SPTBN2: variants seen among roughly 807,000 people sequenced by gnomAD.
The protein encoded by SPTBN2 is spectrin beta chain, non-erythrocytic 2.
In SPTBN2, 107 loss-of-function variants were observed where a neutral mutation model predicts 284.2. The ratio of observed to expected loss-of-function variants is 0.38; its 90% CI spans 0.32 to 0.44. The LOEUF (loss-of-function observed/expected upper bound fraction) is 0.44. SPTBN2 is among the 20% of genes least tolerant of loss of function. The pLI is 1.00. For synonymous variants in SPTBN2, 1,289 were observed against 1,354.8 expected, an observed-to-expected ratio of 0.95 and a Z score of 1.07; for missense variants, 2,569 against 3,287.1, an observed-to-expected ratio of 0.78 and a Z score of 5.34.
Position 66,693,158 on chromosome 11 carries a change from A to T in SPTBN2, c.4854+28T>A. On this transcript the variant is annotated intron_variant, in intron 24 of 37. Transcript: ENST00000533211. The surrounding 1 kb of genome is among the most constrained non-coding windows in gnomAD (Gnocchi z 5.7). The stretch of plus-strand genomic sequence containing the variant: ...GTCAGGGGAGGGCAGAACTGGTCAC[A>T]TACACTGGGCTCTGTCCTGGCCCTC... 1 of 1,614,188 alleles carries T rather than the reference A, an allele frequency of 6.2e-7. No homozygotes were observed. The highest frequency in any genetic ancestry group is 1.3e-5 in the African/African-American group (1 of 75,052).
chr11:66,707,661 G>C lies in SPTBN2; in HGVS notation c.1508C>G (p.Ala503Gly). Residue 503 changes from alanine (A) to glycine (G), a missense_variant, in exon 13 of 38, where the codon GCC becomes GGC. Physicochemically the swap from Ala to Gly is moderately conservative, Grantham distance 60. This residue lies in a region of SPTBN2 where 1,012 missense variants were observed against 1,248.9 expected (regional missense o/e 0.81). Transcript: ENST00000533211. This position sits in a 1 kb window ranked among gnomAD's most constrained non-coding sequence, Gnocchi z 4.9. ...CCGTGCCACGTTGTGCTGCCGAGCGGCGATGCGCTTGATGTCGTGGTAGCG... is the reference window on the plus strand; with the variant it reads ...CCGTGCCACGTTGTGCTGCCGAGCGCCGATGCGCTTGATGTCGTGGTAGCG... ...AERYHDIKRI[A>G]ARQHNVARLW... The C allele has an allele frequency of 6.2e-7, 1 of 1,607,658 alleles. No individual in the cohort carries two copies. Among genetic ancestry groups the C allele is most frequent in the Non-Finnish European group, 8.5e-7 (1 of 1,179,838 alleles).
At chr11:66,737,862 GT>G (rs1942865429) in intron 1 of SPTBN2, among the ~76,000 whole-genome samples, 1 of 152,006 alleles carries the variant, frequency 6.6e-6, no homozygotes, top group South Asian at 2.1e-4. Flanking sequence ...AAGGAAATGA[GT>G]TGAAAAAAAT....
intron 15 of SPTBN2, 100 bp from the exon 16 acceptor site, chr11:66,701,821 C>T: frequency 6.5e-7 from 1 of 1,534,704 alleles, no homozygotes; most frequent in Non-Finnish European, 8.9e-7. Context: ...GTGTCTCCTT[C>T]ACCAGGAGGC....
In SPTBN2 at chr11:66,694,140, A is replaced by G; in HGVS notation, c.4502T>C (p.Ile1501Thr). 5 of 1,605,600 alleles carry G rather than the reference A, an allele frequency of 3.1e-6. No homozygotes were observed. Among genetic ancestry groups the G allele is most frequent in the Admixed American group, 3.3e-5 (2 of 60,028 alleles). ...HQFHRDVEDE[I>T]LWVTERLPMA... ...CCGTCCTTGGCCCCAGTGACTCACA[A>G]TCTCATCTTCCACATCGCGGTGGAA... Residue 1501 changes from isoleucine to threonine, a missense_variant and splice_region_variant, in exon 22 of 38, where the codon ATT becomes ACT. Physicochemically the swap from Ile to Thr is moderately conservative, Grantham distance 89. Transcript: ENST00000533211.
chr11:66,685,625 GAA>G lies in SPTBN2; in HGVS notation c.*244_*245del. The G allele has an allele frequency of 1.9e-6, 1 of 518,290 alleles. No homozygotes were observed. The allele number at this position is 518,290 out of a possible 1,614,324, so 32.1% of individuals were successfully genotyped here. On this transcript the variant is annotated 3_prime_UTR_variant, in exon 38 of 38. Coordinates refer to ENST00000533211, the MANE Select transcript of SPTBN2 (RefSeq NM_006946.4). This position sits in a 1 kb window ranked among gnomAD's most constrained non-coding sequence, Gnocchi z 4.4. Reference sequence around the variant, plus strand: ...GAGGCACGAGGCTGGGGAAAGGGGAGAAGTCGGCGGGGGTGGGAGAGGGGGTT... The same window carrying G: ...GAGGCACGAGGCTGGGGAAAGGGGAGGTCGGCGGGGGTGGGAGAGGGGGTT...
chr11:66,699,080 T>C lies in SPTBN2; in HGVS notation c.3779A>G (p.His1260Arg), dbSNP rs764586730. ...CTGCGCTGCGTCTTGATTCTTCTTG[T>C]GCCTGGAACGACACCCTCTTGTGAA... ...REKADSIERR[H>R]KKNQDAAQQF... Residue 1260 changes from histidine (H) to arginine (R), a missense_variant and splice_region_variant, in exon 19 of 38, where the codon CAC (histidine) becomes CGC (arginine). Coordinates refer to ENST00000533211, the MANE Select transcript of SPTBN2 (RefSeq NM_006946.4). 7 of 1,614,216 alleles carry C rather than the reference T, an allele frequency of 4.3e-6. No homozygotes were observed. Among genetic ancestry groups the C allele is most frequent in the Non-Finnish European group, 5.9e-6 (7 of 1,180,044 alleles).
Position 66,684,184 on chromosome 11 carries a change from G to A in SPTBN2, c.*1687C>T, listed in dbSNP as rs1939961882. ...GAAAAACGGTTGTCTGTGTGTATAG[G>A]AAACAATGAAAGAACACGCTTTTCC... On this transcript the variant is annotated 3_prime_UTR_variant, in exon 38 of 38. Transcript: ENST00000533211. Among the ~76,000 whole-genome samples, 1 of 152,190 alleles carries A rather than the reference G, an allele frequency of 6.6e-6. No homozygotes were observed. The highest frequency in any genetic ancestry group is 2.4e-5 in the African/African-American group (1 of 41,438).
chr11:66,739,145 T>C (rs796454669), intron 1 of SPTBN2, among the ~76,000 whole-genome samples: 47 of 152,016 alleles, frequency 3.1e-4, no homozygotes, highest in African/African-American at 1.1e-3. Context: ...CTCATTATGT[T>C]GTCCAGGCTG....
Position 66,710,300 on chromosome 11 carries a change from T to C in SPTBN2, c.1073+282A>G, listed in dbSNP as rs183357988. Among the ~76,000 whole-genome samples, 2 of 151,958 alleles carry C rather than the reference T, an allele frequency of 1.3e-5. No individual in the cohort carries two copies. The highest frequency in any genetic ancestry group is 3.9e-4 in the East Asian group (2 of 5,160). On this transcript the variant is annotated intron_variant, in intron 10 of 37. Coordinates refer to ENST00000533211, the MANE Select transcript of SPTBN2 (RefSeq NM_006946.4). This position sits in a 1 kb window ranked among gnomAD's most constrained non-coding sequence, Gnocchi z 4.9. ...CCTCAGTAGAGATGGGGTTTCACCA[T>C]GTTGGCCAGACTGGTCTCGGTGATG...
In SPTBN2 at chr11:66,707,841, A is replaced by T. The variant is rs1395711532; in HGVS notation, c.1351-23T>A. On this transcript the variant is annotated intron_variant, in intron 12 of 37. Transcript: ENST00000533211. This position sits in a 1 kb window ranked among gnomAD's most constrained non-coding sequence, Gnocchi z 4.9. The stretch of plus-strand genomic sequence containing the variant: ...GTCCTGTGTCGGGGGCAGGGAGAGG[A>T]GGTGTGGGGACCAAGGGACAGTGCC... 3.7e-6 allele frequency: 6 copies of T among 1,604,710 alleles called. No individual in the cohort carries two copies. The highest frequency in any genetic ancestry group is 5.1e-6 in the Non-Finnish European group (6 of 1,179,568).
chr11:66,703,352 G>A (rs1345601214), intron 15 of SPTBN2, among the ~76,000 whole-genome samples: 1 of 152,098 alleles, frequency 6.6e-6, no homozygotes, highest in Non-Finnish European at 1.5e-5. Context: ...AAAGTGCTGG[G>A]ATTACAGGTG....
At chr11:66,701,774 G>A (rs1482800342) in intron 15 of SPTBN2, 53 bp from the exon 16 acceptor site, 1 of 1,611,982 alleles carries the variant, frequency 6.2e-7, no homozygotes, top group Non-Finnish European at 8.5e-7. Flanking sequence ...GATGTGCCCA[G>A]TCCACCTAAG....
intron 1 of SPTBN2, chr11:66,728,473 C>T (rs1240869717): frequency 6.6e-6 from 1 of 150,994 alleles, no homozygotes; most frequent in Non-Finnish European, 1.5e-5. Flanking sequence ...AGCCGGCGGC[C>T]CCGCGGGGCT....
intron 1 of SPTBN2, among the ~76,000 whole-genome samples, chr11:66,724,876 T>C (rs1270338621): frequency 2.0e-5 from 3 of 152,180 alleles, no homozygotes; most frequent in Non-Finnish European, 4.4e-5. Flanking sequence ...AACCAGAGAC[T>C]GCCAAGACCA....
chr11:66,689,977 C>A, intron 28 of SPTBN2, 34 bp from the exon 29 acceptor site: 1 of 1,613,486 alleles, frequency 6.2e-7, no homozygotes, highest in Non-Finnish European at 8.5e-7. Context: ...CACCTGCTGC[C>A]CACAGCCCCA....
intron 20 of SPTBN2, among the ~76,000 whole-genome samples, chr11:66,698,082 G>A (rs2135393405): frequency 6.6e-6 from 1 of 152,298 alleles, no homozygotes; most frequent in Middle Eastern, 3.4e-3. Context: ...GAACAGCTGG[G>A]TGGGAGACCA....
At position 66,687,791 on chromosome 11, in the gene SPTBN2, T is replaced by G. The variant is rs1436822537; in HGVS notation, c.6501+77A>C. The G allele has an allele frequency of 2.6e-6, 4 of 1,551,902 alleles. No individual in the cohort carries two copies. The African/African-American group carries it at 5.4e-5, about 21-fold the overall frequency. On this transcript the variant is annotated intron_variant, in intron 34 of 37. Coordinates refer to ENST00000533211, the MANE Select transcript of SPTBN2 (RefSeq NM_006946.4). This position sits in a 1 kb window ranked among gnomAD's most constrained non-coding sequence, Gnocchi z 5.2. ...CCCTCTCCCATCCCATCCCCAGTAC[T>G]CCCCCACCCGCACTCACCACCCCCT...
Position 66,693,655 on chromosome 11 carries a change from G to T in SPTBN2, c.4593+117C>A. On this transcript the variant is annotated intron_variant, in intron 23 of 37. Coordinates refer to ENST00000533211, the MANE Select transcript of SPTBN2 (RefSeq NM_006946.4). The surrounding 1 kb of genome is among the most constrained non-coding windows in gnomAD (Gnocchi z 5.7). ...CACCCTCCCAAGGTGAGGAAAGACA[G>T]CCACTGAAGTCCAGGGTTACACTCA... 1 of 1,312,146 alleles carries T rather than the reference G, an allele frequency of 7.6e-7. No individual in the cohort carries two copies. The highest frequency in any genetic ancestry group is 1.1e-6 in the Non-Finnish European group (1 of 938,248). The allele number at this position is 1,312,146 out of a possible 1,614,324, so 81.3% of individuals were successfully genotyped here. A position where few individuals can be genotyped will look rare whatever the true frequency, so the allele number is the denominator to read the frequency against.
At chr11:66,695,355 A>T (rs557376005) in intron 21 of SPTBN2, among the ~76,000 whole-genome samples, 1 of 152,330 alleles carries the variant, frequency 6.6e-6, no homozygotes, top group African/African-American at 2.4e-5. Context: ...CTCCAGGCTC[A>T]AACAATCTTC....
Sources: gnomAD v4.1 joint callset for allele counts (sites outside exome capture counted in the v4.1 genomes callset) on GRCh38, gnomAD v4.1.1 for gene constraint, gnomAD v4.1.1 regional missense constraint, Gnocchi (gnomAD v3.1) non-coding constraint, MANE v1.5 for transcripts, NCBI Gene and HGNC (gene_info 2026-07-23, HGNC 2026-07-21) for gene names.